Variants in CSMD1 observed in about 807,000 individuals in gnomAD.
CSMD1 encodes CUB and sushi domain-containing protein 1.
Under a neutral mutation model 417.5 loss-of-function variants are expected in CSMD1, and 213 were observed. That is an observed-to-expected ratio of 0.51 (90% CI 0.46 to 0.57). CSMD1 has a LOEUF of 0.57. Among genes scored for constraint, CSMD1 ranks in the 20% least tolerant of loss-of-function variants. The pLI, the probability that CSMD1 is intolerant of heterozygous loss-of-function variation, is 0.00. For synonymous variants in CSMD1, 2,862 were observed against 1,736.8 expected (o/e 1.65, Z -16.11); for missense variants, 6,923 against 4,529.7 (o/e 1.53, Z -15.17).
chr8:4,472,016 C>A (rs1182023326), intron 2 of CSMD1, among the ~76,000 whole-genome samples: 1 of 152,094 alleles, frequency 6.6e-6, no homozygotes, highest in African/African-American at 2.4e-5. Flanking sequence ...AACATTTCTT[C>A]CAATTTTTTA....
intron 3 of CSMD1, among the ~76,000 whole-genome samples, chr8:4,073,985 C>G (rs1799693369): frequency 1.3e-5 from 2 of 151,938 alleles, no homozygotes; most frequent in Admixed American, 6.6e-5. Context: ...TTGTCATTGG[C>G]TTTGGGAAGC....
rs146096515 is a variant in CSMD1 at position 4,006,940 on chromosome 8, G to C, written c.611-8830C>G. On this transcript the variant is annotated intron_variant, in intron 4 of 69. Transcript: ENST00000635120. The stretch of plus-strand genomic sequence containing the variant: ...CCTCCTGGGTTCAAGCGATTCTCCT[G>C]CTTCAGACTCACGAGTAGCTGGGAC... Among the ~76,000 whole-genome samples the C allele has an allele frequency of 3.9e-3, 560 of 145,082 alleles. 6 individuals carry two copies. The highest frequency in any genetic ancestry group is 0.013 in the African/African-American group (521 of 38,910).
chr8:4,492,734 G>C (rs1220592839), intron 2 of CSMD1, among the ~76,000 whole-genome samples: 1 of 152,158 alleles, frequency 6.6e-6, no homozygotes, highest in Non-Finnish European at 1.5e-5. Flanking sequence ...CTGACCATGG[G>C]CACAGGTAAC....
chr8:4,628,589 C>G (rs1802302644), intron 2 of CSMD1, among the ~76,000 whole-genome samples: 1 of 132,838 alleles, frequency 7.5e-6, no homozygotes, highest in Non-Finnish European at 1.6e-5. Flanking sequence ...GGACAGAGAA[C>G]ACACACAGGA....
At chr8:3,166,401 G>C (rs562054263) in intron 37 of CSMD1, among the ~76,000 whole-genome samples, 1 of 152,210 alleles carries the variant, frequency 6.6e-6, no homozygotes, top group Admixed American at 6.5e-5. Context: ...GGGCGTGGTG[G>C]TGTGCACCTG....
intron 12 of CSMD1, among the ~76,000 whole-genome samples, chr8:3,451,208 G>C (rs908195476): frequency 6.6e-6 from 1 of 152,148 alleles, no homozygotes; most frequent in African/African-American, 2.4e-5. Flanking sequence ...GTAGATTCTG[G>C]ATATTAGCCC....
intron 37 of CSMD1, among the ~76,000 whole-genome samples, chr8:3,173,479 A>C (rs548945710): frequency 6.6e-6 from 1 of 152,358 alleles, no homozygotes; most frequent in East Asian, 1.9e-4. Flanking sequence ...GTTTGTGGCC[A>C]AACTGTGAAG....
chr8:3,865,533 G>A (rs1805028883), intron 5 of CSMD1, among the ~76,000 whole-genome samples: 2 of 151,904 alleles, frequency 1.3e-5, no homozygotes. Context: ...GGGGGTGGAG[G>A]CAATGAGGGA....
intron 5 of CSMD1, among the ~76,000 whole-genome samples, chr8:3,958,629 C>A (rs1050527677): frequency 6.6e-6 from 1 of 152,034 alleles, no homozygotes; most frequent in East Asian, 1.9e-4. Context: ...ATGAGGTCCA[C>A]CACATATTGT....
chr8:4,051,682 A>C (rs905689431), intron 3 of CSMD1, among the ~76,000 whole-genome samples: 4 of 152,134 alleles, frequency 2.6e-5, no homozygotes, highest in African/African-American at 9.7e-5. Flanking sequence ...GTACTGATCA[A>C]GGCCAATTTA....
intron 21 of CSMD1, 74 bp downstream of exon 21, chr8:3,359,078 A>G: frequency 6.8e-7 from 1 of 1,472,112 alleles, no homozygotes; most frequent in Non-Finnish European, 9.4e-7. Context: ...CCCGACCCCG[A>G]CCACCCTAGG....
chr8:3,375,113 T>C (rs2116738947), intron 18 of CSMD1: 1 of 152,248 alleles, frequency 6.6e-6, no homozygotes, highest in African/African-American at 2.4e-5. Flanking sequence ...ACCTGACAGC[T>C]TCCACATGTA....
chr8:4,380,960 A>G (rs1803065090), intron 3 of CSMD1, among the ~76,000 whole-genome samples: 1 of 152,028 alleles, frequency 6.6e-6, no homozygotes, highest in African/African-American at 2.4e-5. Flanking sequence ...GTTATTGTTA[A>G]CCCATTTCCC....
intron 49 of CSMD1, among the ~76,000 whole-genome samples, chr8:3,084,318 G>A (rs1814357878): frequency 6.6e-6 from 1 of 152,104 alleles, no homozygotes; most frequent in African/African-American, 2.4e-5. Flanking sequence ...GAGGTCAGGA[G>A]TTTGAGACCA....
intron 5 of CSMD1, among the ~76,000 whole-genome samples, chr8:3,964,012 A>G (rs554184874): frequency 6.8e-6 from 1 of 147,076 alleles, no homozygotes; most frequent in African/African-American, 2.7e-5. Context: ...CAGAATGCAC[A>G]AAGAAACTTC....
At chr8:3,158,355 T>A (rs1819663937) in intron 38 of CSMD1, among the ~76,000 whole-genome samples, 1 of 152,124 alleles carries the variant, frequency 6.6e-6, no homozygotes, top group Non-Finnish European at 1.5e-5. Context: ...AGGTGGTGAT[T>A]AAAAGGCCAA....
intron 10 of CSMD1, among the ~76,000 whole-genome samples, chr8:3,499,633 C>A (rs773949113): frequency 6.6e-6 from 1 of 151,968 alleles, no homozygotes; most frequent in African/African-American, 2.4e-5. Flanking sequence ...GGAGCATGCA[C>A]TTTGGCTCCC....
At chr8:3,353,374 T>G (rs1808540327) in intron 21 of CSMD1, among the ~76,000 whole-genome samples, 1 of 152,222 alleles carries the variant, frequency 6.6e-6, no homozygotes, top group African/African-American at 2.4e-5. Flanking sequence ...TCTCTAACAC[T>G]ACCCCTACCT....
intron 1 of CSMD1, among the ~76,000 whole-genome samples, chr8:4,853,651 G>T (rs1801615907): frequency 6.6e-6 from 1 of 152,180 alleles, no homozygotes; most frequent in Non-Finnish European, 1.5e-5. Context: ...GTCCCCACTG[G>T]AACACTACCC....
Sources: allele counts gnomAD v4.1 joint callset (sites outside exome capture counted in the v4.1 genomes callset), GRCh38; gene constraint gnomAD v4.1.1; transcripts MANE v1.5; gene names NCBI Gene and HGNC (gene_info 2026-07-23, HGNC 2026-07-21).